The following VPS53 variants were observed in gnomAD, a reference collection of about 807,000 sequenced individuals.
VPS53 encodes the protein VPS53 subunit of GARP complex.
A neutral mutation model predicts 107.0 loss-of-function variants in VPS53; 70 were observed. The observed-to-expected ratio is 0.65, with a 90% CI of 0.54 to 0.80. The LOEUF (loss-of-function observed/expected upper bound fraction) is 0.80, where lower values mean the gene tolerates loss of function less well. Among genes scored for constraint, VPS53 ranks in the 30% least tolerant of loss-of-function variants. The pLI is 0.00. For synonymous variants in VPS53, 409 were observed against 393.3 expected (o/e 1.04, Z -0.47); for missense variants, 917 against 1,049.4 (o/e 0.87, Z 1.74).
At chr17:530,818 A>G (rs1261510011) in intron 19 of VPS53, among the ~76,000 whole-genome samples, 3 of 152,178 alleles carry the variant, frequency 2.0e-5, no homozygotes, top group Non-Finnish European at 4.4e-5. Flanking sequence ...TGCCCTTGCA[A>G]TTGCTCGAGG....
At chr17:535,070 C>A (rs1195792357) in intron 18 of VPS53, among the ~76,000 whole-genome samples, 1 of 152,168 alleles carries the variant, frequency 6.6e-6, no homozygotes, top group Non-Finnish European at 1.5e-5. Flanking sequence ...CTTCTCTGGG[C>A]CATCAGGGCG....
rs1908508318 is a variant in VPS53, at chr17:518,911, C to T, written c.*217G>A. ...CCTCTGCTTCACGAACCAGAGATCA[C>T]CTAAATCGCCCTCTTAGAGCCCAGC... is the stretch of plus-strand genomic sequence containing the variant. On this transcript the variant is annotated 3_prime_UTR_variant, in exon 22 of 22. Transcript: ENST00000437048. 1 of 473,814 alleles carries T rather than the reference C, an allele frequency of 2.1e-6. No homozygotes were observed. Among genetic ancestry groups the T allele is most frequent in the Non-Finnish European group, 3.6e-6 (1 of 276,384 alleles). 29.4% of individuals were successfully genotyped at this position (473,814 alleles called of 1,614,324 possible).
chr17:666,349 T>C (rs1235255785), intron 4 of VPS53, among the ~76,000 whole-genome samples: 1 of 152,028 alleles, frequency 6.6e-6, no homozygotes, highest in Non-Finnish European at 1.5e-5. Flanking sequence ...GAAAGAGTGA[T>C]TGTGCCTTCT....
chr17:522,320 T>G (rs1333199261), intron 19 of VPS53, among the ~76,000 whole-genome samples: 1 of 152,230 alleles, frequency 6.6e-6, no homozygotes, highest in Non-Finnish European at 1.5e-5. Context: ...ATATTCAATT[T>G]TATAACCTGG....
At chr17:592,345 A>G (rs1209319449) in intron 12 of VPS53, among the ~76,000 whole-genome samples, 2 of 152,046 alleles carry the variant, frequency 1.3e-5, no homozygotes, top group African/African-American at 2.4e-5. Context: ...TCTTTATCCA[A>G]TTTGCCAGTC....
At chr17:654,345 A>G (rs1971086964) in intron 6 of VPS53, among the ~76,000 whole-genome samples, 1 of 152,184 alleles carries the variant, frequency 6.6e-6, no homozygotes, top group African/African-American at 2.4e-5. Flanking sequence ...ATCAAGTTAC[A>G]CACAGGGAGG....
At chr17:547,964 C>T (rs1372127826) in intron 17 of VPS53, among the ~76,000 whole-genome samples, 3 of 152,118 alleles carry the variant, frequency 2.0e-5, no homozygotes, top group African/African-American at 7.2e-5. Context: ...AATTATACCT[C>T]AGGTTTTTAA....
chr17:606,308 T>C (rs1968576135), intron 11 of VPS53, among the ~76,000 whole-genome samples: 1 of 152,130 alleles, frequency 6.6e-6, no homozygotes, highest in Non-Finnish European at 1.5e-5. Flanking sequence ...AGGCTCCGTA[T>C]CTGACAGACC....
chr17:644,475 A>C (rs1230469901), intron 7 of VPS53, among the ~76,000 whole-genome samples: 1 of 152,266 alleles, frequency 6.6e-6, no homozygotes, highest in Non-Finnish European at 1.5e-5. Context: ...GATGCTAAAA[A>C]TAAGAAGTCT....
chr17:676,083 G>GT (rs1011309712), intron 4 of VPS53: 2 of 152,146 alleles, frequency 1.3e-5, no homozygotes, highest in African/African-American at 4.8e-5. Context: ...ATTATCTTTG[G>GT]TTTTGCAAAA....
intron 11 of VPS53, among the ~76,000 whole-genome samples, chr17:619,872 C>G (rs1218128557): frequency 2.1e-5 from 3 of 143,692 alleles, no homozygotes; most frequent in Non-Finnish European, 4.6e-5. Context: ...AGGCGTGCAC[C>G]ACCACGCCCC....
At chr17:709,453 T>A (rs1973555157) in intron 2 of VPS53, among the ~76,000 whole-genome samples, 1 of 152,208 alleles carries the variant, frequency 6.6e-6, no homozygotes, top group East Asian at 1.9e-4. Context: ...AATGAATCCC[T>A]CAAGCTCGGC....
intron 12 of VPS53, among the ~76,000 whole-genome samples, chr17:591,007 C>T (rs1282842619): frequency 6.6e-6 from 1 of 151,858 alleles, no homozygotes; most frequent in Non-Finnish European, 1.5e-5. Flanking sequence ...CCATCTGGTC[C>T]TGGACTCTTT....
intron 11 of VPS53, among the ~76,000 whole-genome samples, chr17:603,579 G>A (rs1054983421): frequency 1.3e-5 from 2 of 148,274 alleles, no homozygotes; most frequent in Non-Finnish European, 3.1e-5. Flanking sequence ...CAGCCTCGGT[G>A]CATGACAAAG....
intron 20 of VPS53, among the ~76,000 whole-genome samples, chr17:521,326 G>C (rs1908730671): frequency 6.6e-6 from 1 of 152,204 alleles, no homozygotes; most frequent in South Asian, 2.1e-4. Context: ...CTGATTCACA[G>C]TGGCAACCAC....
At chr17:591,620 C>T (rs1168259383) in intron 12 of VPS53, among the ~76,000 whole-genome samples, 1 of 152,072 alleles carries the variant, frequency 6.6e-6, no homozygotes, top group African/African-American at 2.4e-5. Context: ...TTATTTCTGC[C>T]TTCATTTCGT....
intron 1 of VPS53, among the ~76,000 whole-genome samples, chr17:711,877 C>T (rs926066347): frequency 1.3e-5 from 2 of 148,774 alleles, no homozygotes; most frequent in Admixed American, 6.8e-5. Flanking sequence ...AGTGCAGTAG[C>T]GCGATCTTGG....
intron 2 of VPS53, among the ~76,000 whole-genome samples, chr17:700,483 A>G (rs2143940439): frequency 6.6e-6 from 1 of 152,238 alleles, no homozygotes. Flanking sequence ...CCCGGGAGGC[A>G]GAGGTTGCAG....
chr17:533,015 T>C (rs1909722506), intron 18 of VPS53, 104 bp from the exon 19 acceptor site: 1 of 1,494,004 alleles, frequency 6.7e-7, no homozygotes, highest in Non-Finnish European at 9.0e-7. Flanking sequence ...CCTTTTTTAA[T>C]GAAGAATCGA....
Sources: allele counts gnomAD v4.1 joint callset (sites outside exome capture counted in the v4.1 genomes callset), GRCh38; gene constraint gnomAD v4.1.1; transcripts MANE v1.5; gene names NCBI Gene and HGNC (gene_info 2026-07-23, HGNC 2026-07-21).